The following CTNND2 variants were observed in gnomAD, a reference collection of about 807,000 sequenced individuals.
CTNND2 encodes the protein catenin delta 2, also known as catenin delta-2.
Under a neutral mutation model 144.4 loss-of-function variants are expected in CTNND2, and 22 were observed. That is an observed-to-expected ratio of 0.15 (90% CI 0.11 to 0.22). The LOEUF is 0.22. Ranked by LOEUF, CTNND2 falls within the 10% of genes least tolerant of loss-of-function variation. CTNND2 has a pLI of 1.00. For synonymous variants in CTNND2, 751 were observed against 695.6 expected (o/e 1.08, Z -1.25); for missense variants, 1,353 against 1,618.8 (o/e 0.84, Z 2.82).
chr5:11,647,246 T>C (rs1454625657), intron 2 of CTNND2, among the ~76,000 whole-genome samples: 1 of 152,116 alleles, frequency 6.6e-6, no homozygotes, highest in Non-Finnish European at 1.5e-5. Flanking sequence ...TTTCTGGTCA[T>C]TGCTAGTCCG....
chr5:11,082,935 C>G, intron 15 of CTNND2, 89 bp from the exon 16 acceptor site: 1 of 1,452,402 alleles, frequency 6.9e-7, no homozygotes, highest in Admixed American at 2.1e-5. Context: ...CGGCTGCTTA[C>G]AGGAGCCAAA....
chr5:11,049,046 G>A (rs2149578962), intron 16 of CTNND2, among the ~76,000 whole-genome samples: 1 of 152,296 alleles, frequency 6.6e-6, no homozygotes, highest in East Asian at 1.9e-4. Flanking sequence ...TATCTCCTGG[G>A]GGACAAAATT....
chr5:11,257,135 T>C (rs1205734370), intron 9 of CTNND2, among the ~76,000 whole-genome samples: 1 of 152,256 alleles, frequency 6.6e-6, no homozygotes, highest in Non-Finnish European at 1.5e-5. Context: ...TATTTCTTGC[T>C]AATAATATTG....
At chr5:11,008,480 T>C (rs541057999) in intron 18 of CTNND2, among the ~76,000 whole-genome samples, 114 of 152,286 alleles carry the variant, frequency 7.5e-4, no homozygotes, top group Non-Finnish European at 1.3e-3. Context: ...AGGCAGCCTT[T>C]AGAAGCTGGA....
At chr5:11,421,878 C>T (rs966395300) in intron 3 of CTNND2, among the ~76,000 whole-genome samples, 1 of 152,230 alleles carries the variant, frequency 6.6e-6, no homozygotes, top group South Asian at 2.1e-4. Flanking sequence ...GCCTTACACT[C>T]TCCAAGTCTC....
intron 12 of CTNND2, among the ~76,000 whole-genome samples, chr5:11,158,911 CA>C (rs1220970179): frequency 6.6e-6 from 1 of 152,156 alleles, no homozygotes; most frequent in Admixed American, 6.6e-5. Context: ...TTAGAAGAAT[CA>C]TATCTTGGTA....
chr5:10,981,877 A>G (rs764595657), intron 20 of CTNND2, 31 bp from the exon 21 acceptor site: 1 of 1,567,626 alleles, frequency 6.4e-7, no homozygotes, highest in Non-Finnish European at 8.8e-7. Context: ...AAAGTTTAGC[A>G]AAGAAAACAA....
chr5:11,871,142 AG>A (rs1735086226), intron 1 of CTNND2, among the ~76,000 whole-genome samples: 1 of 152,294 alleles, frequency 6.6e-6, no homozygotes, highest in Admixed American at 6.5e-5. Context: ...CCTGCTCAGA[AG>A]GGGGGCCCTC....
At chr5:11,851,694 C>T (rs570430043) in intron 1 of CTNND2, among the ~76,000 whole-genome samples, 1 of 152,186 alleles carries the variant, frequency 6.6e-6, no homozygotes, top group Admixed American at 6.5e-5. Context: ...GTTTGCTTGG[C>T]CTGTGTGCTG....
chr5:11,853,302 T>C (rs566011004), intron 1 of CTNND2, among the ~76,000 whole-genome samples: 1 of 152,260 alleles, frequency 6.6e-6, no homozygotes, highest in Admixed American at 6.5e-5. Flanking sequence ...TGGGTCTTTG[T>C]GTTTGGCTTC....
chr5:11,558,590 G>A (rs1032919856), intron 3 of CTNND2, among the ~76,000 whole-genome samples: 2 of 151,932 alleles, frequency 1.3e-5, no homozygotes. Flanking sequence ...GGCTAGTCTC[G>A]CACTCCTGGG....
chr5:11,305,463 G>T (rs1750092718), intron 9 of CTNND2, among the ~76,000 whole-genome samples: 1 of 152,142 alleles, frequency 6.6e-6, no homozygotes, highest in Admixed American at 6.5e-5. Flanking sequence ...CATTTCCCCA[G>T]GCAGCAATTC....
chr5:11,020,899 G>A (rs1007146023), intron 17 of CTNND2, among the ~76,000 whole-genome samples: 2 of 152,142 alleles, frequency 1.3e-5, no homozygotes, highest in African/African-American at 2.4e-5. Flanking sequence ...CAACAAGACA[G>A]AATGAGCGCC....
At chr5:11,680,801 C>T (rs1258635067) in intron 2 of CTNND2, among the ~76,000 whole-genome samples, 1 of 152,142 alleles carries the variant, frequency 6.6e-6, no homozygotes, top group Non-Finnish European at 1.5e-5. Context: ...AACAAACCAA[C>T]AGGCTTGTTC....
intron 12 of CTNND2, among the ~76,000 whole-genome samples, chr5:11,129,186 AATAT>A (rs1490205461): frequency 2.1e-5 from 1 of 47,698 alleles, no homozygotes; most frequent in Non-Finnish European, 3.6e-5. Context: ...TTTTATATAT[AATAT>A]ATAATATATA....
chr5:11,465,574 C>T (rs1766597969), intron 3 of CTNND2, among the ~76,000 whole-genome samples: 1 of 152,182 alleles, frequency 6.6e-6, no homozygotes, highest in Non-Finnish European at 1.5e-5. Flanking sequence ...GAATGAAGAT[C>T]ACTATTGACT....
chr5:11,229,855 A>C (rs929741908), intron 10 of CTNND2, among the ~76,000 whole-genome samples: 1 of 152,008 alleles, frequency 6.6e-6, no homozygotes, highest in East Asian at 1.9e-4. Context: ...AACTGTCTGT[A>C]TATGAAAGGG....
intron 2 of CTNND2, among the ~76,000 whole-genome samples, chr5:11,672,945 C>T (rs1783980594): frequency 6.6e-6 from 1 of 152,138 alleles, no homozygotes; most frequent in African/African-American, 2.4e-5. Context: ...CCCTGTCCAA[C>T]CAGTCACAAT....
intron 1 of CTNND2, among the ~76,000 whole-genome samples, chr5:11,859,012 C>T (rs1246860981): frequency 2.0e-5 from 3 of 152,200 alleles, no homozygotes; most frequent in Admixed American, 2.0e-4. Flanking sequence ...AAGTTAAATG[C>T]TTTACATGTA....
Sources: gnomAD v4.1 joint callset for allele counts (sites outside exome capture counted in the v4.1 genomes callset) on GRCh38, gnomAD v4.1.1 for gene constraint, MANE v1.5 for transcripts, NCBI Gene and HGNC (gene_info 2026-07-23, HGNC 2026-07-21) for gene names.